GPHN: variants seen among roughly 807,000 people sequenced by gnomAD.
The protein encoded by GPHN is gephyrin.
Under a neutral mutation model 95.5 loss-of-function variants are expected in GPHN, and 17 were observed. The observed-to-expected ratio is 0.18, with a 90% CI of 0.12 to 0.27. GPHN has a LOEUF of 0.27. Among genes scored for constraint, GPHN ranks in the 10% least tolerant of loss-of-function variants. GPHN has a pLI of 1.00. For synonymous variants in GPHN, 320 were observed against 322.5 expected (o/e 0.99, Z 0.08); for missense variants, 660 against 978.1 (o/e 0.67, Z 4.34).
At chr14:66,802,193 C>T (rs533248783) in intron 3 of GPHN, among the ~76,000 whole-genome samples, 3 of 152,166 alleles carry the variant, frequency 2.0e-5, no homozygotes, top group Non-Finnish European at 4.4e-5. Context: ...TAGTCCTTTG[C>T]ACTTTTCCCT....
At chr14:66,587,045 A>G (rs987030242) in intron 1 of GPHN, among the ~76,000 whole-genome samples, 35 of 152,144 alleles carry the variant, frequency 2.3e-4, no homozygotes, top group Non-Finnish European at 5.9e-5. Context: ...ATAAAAAATG[A>G]AAGAGTAGGC....
At chr14:67,541,621 G>A in the GPHN span, among the ~76,000 whole-genome samples, 1 of 152,180 alleles carries the variant, frequency 6.6e-6, no homozygotes, top group Non-Finnish European at 1.5e-5. Context: ...GGTTTCCTGA[G>A]GCTCTCAGCT....
At chr14:67,047,135 T>C (rs991287122) in intron 10 of GPHN, among the ~76,000 whole-genome samples, 8 of 152,118 alleles carry the variant, frequency 5.3e-5, no homozygotes, top group African/African-American at 1.9e-4. Flanking sequence ...ATTTGCAGTA[T>C]ATCCAAAAAA....
intron 2 of GPHN, among the ~76,000 whole-genome samples, chr14:66,739,824 A>G (rs2072640892): frequency 6.6e-6 from 1 of 152,154 alleles, no homozygotes; most frequent in Admixed American, 6.5e-5. Flanking sequence ...AGAGTAAAAA[A>G]CAACTATGCT....
chr14:67,296,703 ATTAAC>A, the GPHN span, among the ~76,000 whole-genome samples: 1 of 151,998 alleles, frequency 6.6e-6, no homozygotes, highest in African/African-American at 2.4e-5. Context: ...TTTTAAAAGA[ATTAAC>A]TTATATGAAT....
chr14:66,877,260 A>C (rs1015094206), intron 4 of GPHN, among the ~76,000 whole-genome samples: 2 of 152,230 alleles, frequency 1.3e-5, no homozygotes, highest in Non-Finnish European at 2.9e-5. Flanking sequence ...GCTATTTATG[A>C]CAAGCCCACA....
At chr14:67,024,755 C>T (rs1178887455) in intron 10 of GPHN, among the ~76,000 whole-genome samples, 1 of 152,066 alleles carries the variant, frequency 6.6e-6, no homozygotes, top group African/African-American at 2.4e-5. Flanking sequence ...CTCACTGAGC[C>T]TTAATGTTCA....
At chr14:67,666,974 A>T in the GPHN span, among the ~76,000 whole-genome samples, 1 of 152,212 alleles carries the variant, frequency 6.6e-6, no homozygotes, top group Non-Finnish European at 1.5e-5. Flanking sequence ...AATCAACTAC[A>T]AACAGCAAGG....
At chr14:67,591,359 A>G in the GPHN span, among the ~76,000 whole-genome samples, 3 of 152,244 alleles carry the variant, frequency 2.0e-5, no homozygotes, top group Admixed American at 6.5e-5. Flanking sequence ...AAACACTAGA[A>G]ATCTATAAAA....
At chr14:66,551,737 A>C (rs1445395000) in intron 1 of GPHN, among the ~76,000 whole-genome samples, 1 of 152,178 alleles carries the variant, frequency 6.6e-6, no homozygotes, top group Non-Finnish European at 1.5e-5. Context: ...CGGAAGATGA[A>C]GGGGAAGCAG....
At chr14:67,159,565 T>TC (rs2081840951) in intron 19 of GPHN, 77 bp downstream of exon 19, 1 of 809,478 alleles carries the variant, frequency 1.2e-6, no homozygotes, top group African/African-American at 1.7e-5. Flanking sequence ...AAATGCCTTC[T>TC]TTTTACATTT....
At chr14:67,520,106 C>T in the GPHN span, among the ~76,000 whole-genome samples, 1 of 152,312 alleles carries the variant, frequency 6.6e-6, no homozygotes. Context: ...CCTGCCTCCA[C>T]ACATGCATAG....
chr14:67,416,755 A>G, the GPHN span, among the ~76,000 whole-genome samples: 11 of 152,366 alleles, frequency 7.2e-5, no homozygotes, highest in African/African-American at 2.4e-4. Context: ...TAAACAAGGT[A>G]TCTTTTCCAT....
At chr14:67,407,685 C>T in the GPHN span, among the ~76,000 whole-genome samples, 4 of 152,084 alleles carry the variant, frequency 2.6e-5, no homozygotes, top group Admixed American at 6.5e-5. Context: ...AAGCAATCCT[C>T]CCACTTTGGC....
At chr14:67,154,425 A>G (rs1310759177) in intron 18 of GPHN, among the ~76,000 whole-genome samples, 1 of 152,014 alleles carries the variant, frequency 6.6e-6, no homozygotes, top group African/African-American at 2.4e-5. Flanking sequence ...GTTTTTGGCT[A>G]TTTCTCTCCA....
chr14:67,349,243 C>G, the GPHN span: 1 of 822,550 alleles, frequency 1.2e-6, no homozygotes, highest in Non-Finnish European at 1.9e-6. Flanking sequence ...GTCCTTTTTC[C>G]AAAAAGGGAG....
the GPHN span, among the ~76,000 whole-genome samples, chr14:67,310,257 GT>G: frequency 6.6e-6 from 1 of 151,400 alleles, no homozygotes; most frequent in Non-Finnish European, 1.5e-5. Flanking sequence ...AATAAAAACT[GT>G]TTTTTCACAT....
chr14:66,635,516 G>T (rs985826500), intron 1 of GPHN, among the ~76,000 whole-genome samples: 65 of 152,090 alleles, frequency 4.3e-4, no homozygotes, highest in African/African-American at 1.5e-3. Context: ...AGATTTAAGT[G>T]ATGAGTTTAT....
At chr14:66,751,059 G>A (rs2058345959) in intron 2 of GPHN, among the ~76,000 whole-genome samples, 1 of 151,760 alleles carries the variant, frequency 6.6e-6, no homozygotes, top group Non-Finnish European at 1.5e-5. Context: ...AACAATAAAT[G>A]ATATTGAAAA....
Sources: gnomAD v4.1 joint callset for allele counts (sites outside exome capture counted in the v4.1 genomes callset) on GRCh38, gnomAD v4.1.1 for gene constraint, MANE v1.5 for transcripts, NCBI Gene and HGNC (gene_info 2026-07-23, HGNC 2026-07-21) for gene names.